The following AUTS2 variants were observed in gnomAD, a reference collection of about 807,000 sequenced individuals.
AUTS2 encodes the protein autism susceptibility gene 2 protein.
A neutral mutation model predicts 112.4 loss-of-function variants in AUTS2; 17 were observed. That is an observed-to-expected ratio of 0.15 (90% CI 0.10 to 0.23). The LOEUF is 0.23. Ranked by LOEUF, AUTS2 falls within the 10% of genes least tolerant of loss-of-function variation. AUTS2 has a pLI of 1.00. For missense variants in AUTS2, 1,510 were observed against 1,701.6 expected (o/e 0.89, Z 1.98); for synonymous variants, 751 against 702.7 (o/e 1.07, Z -1.09).
intron 4 of AUTS2, among the ~76,000 whole-genome samples, chr7:70,182,598 A>C (rs1166756946): frequency 1.3e-5 from 2 of 152,156 alleles, no homozygotes; most frequent in Non-Finnish European, 2.9e-5. Flanking sequence ...TAATGGTCCT[A>C]ATGGGAGGAG....
chr7:70,323,863 C>A (rs1442926299), intron 4 of AUTS2, among the ~76,000 whole-genome samples: 2 of 152,158 alleles, frequency 1.3e-5, no homozygotes, highest in Non-Finnish European at 2.9e-5. Context: ...GACAGAGTTA[C>A]AACAACCCAT....
intron 4 of AUTS2, among the ~76,000 whole-genome samples, chr7:70,419,692 A>G (rs887321074): frequency 7.2e-5 from 11 of 152,172 alleles, no homozygotes; most frequent in Non-Finnish European, 1.3e-4. Context: ...TCTGATGCAA[A>G]TTGCAAAATT....
In AUTS2 at chr7:70,548,365, C is replaced by G. The variant is rs1363243901; in HGVS notation, c.690+112584C>G. 5.9e-5 allele frequency among the ~76,000 whole-genome samples: 9 copies of G among 151,514 alleles called. No homozygotes were observed. The East Asian group carries it at 1.7e-3, about 29-fold the overall frequency. On this transcript the variant is annotated intron_variant, in intron 5 of 18. Transcript: ENST00000342771. ...GCAAATATTTTCTCCCAGTCAGTGG[C>G]TTGACTTTTCATATCCGTAATGCTG...
intron 11 of AUTS2, 36 bp downstream of exon 11, chr7:70,771,680 G>C: frequency 6.3e-7 from 1 of 1,591,700 alleles, no homozygotes; most frequent in East Asian, 2.2e-5. Context: ...ACAGGCATGT[G>C]TCTAAGTGGC....
At chr7:69,744,544 A>G (rs866428644) in intron 1 of AUTS2, among the ~76,000 whole-genome samples, 1 of 151,940 alleles carries the variant, frequency 6.6e-6, no homozygotes, top group African/African-American at 2.4e-5. Context: ...AAAATAAAAT[A>G]CTGTAGGTCC....
At chr7:70,401,207 G>T (rs1446832195) in intron 4 of AUTS2, among the ~76,000 whole-genome samples, 1 of 152,130 alleles carries the variant, frequency 6.6e-6, no homozygotes, top group East Asian at 1.9e-4. Context: ...ATCCCCTGGG[G>T]ACCTTAGTCA....
intron 2 of AUTS2, among the ~76,000 whole-genome samples, chr7:69,975,776 C>T (rs968497046): frequency 6.6e-6 from 1 of 151,830 alleles, no homozygotes; most frequent in Non-Finnish European, 1.5e-5. Context: ...CAACCTCTGC[C>T]TCCTGGGTTC....
chr7:70,382,864 T>C (rs1394896912), intron 4 of AUTS2, among the ~76,000 whole-genome samples: 1 of 152,134 alleles, frequency 6.6e-6, no homozygotes, highest in East Asian at 1.9e-4. Flanking sequence ...AAATGACACA[T>C]CCTTATTGAA....
intron 4 of AUTS2, among the ~76,000 whole-genome samples, chr7:70,238,736 CTCT>C (rs927987180): frequency 2.0e-5 from 3 of 151,912 alleles, no homozygotes; most frequent in East Asian, 1.9e-4. Flanking sequence ...CATTTTCCTC[CTCT>C]TCTTAGCTTT....
intron 2 of AUTS2, among the ~76,000 whole-genome samples, chr7:70,044,328 T>C (rs1446509184): frequency 6.6e-6 from 1 of 152,236 alleles, no homozygotes; most frequent in African/African-American, 2.4e-5. Context: ...AATTCTTTGC[T>C]GTGTTGCCTA....
chr7:70,354,749 T>G (rs552013617), intron 4 of AUTS2, among the ~76,000 whole-genome samples: 1 of 152,304 alleles, frequency 6.6e-6, no homozygotes, highest in South Asian at 2.1e-4. Context: ...TTCCTAAGCT[T>G]TAGTCAATAA....
intron 6 of AUTS2, among the ~76,000 whole-genome samples, chr7:70,701,261 G>A (rs886231016): frequency 6.6e-6 from 1 of 152,226 alleles, no homozygotes; most frequent in Non-Finnish European, 1.5e-5. Context: ...TTGGGGGGGC[G>A]CAGCCCTGAT....
intron 4 of AUTS2, among the ~76,000 whole-genome samples, chr7:70,181,132 G>A (rs1809275769): frequency 6.6e-6 from 1 of 152,170 alleles, no homozygotes; most frequent in Non-Finnish European, 1.5e-5. Flanking sequence ...AGGTTGCTAT[G>A]TTTTGCTCTT....
At chr7:69,652,444 A>C (rs943046341) in intron 1 of AUTS2, among the ~76,000 whole-genome samples, 6 of 150,652 alleles carry the variant, frequency 4.0e-5, no homozygotes, top group African/African-American at 2.4e-5. Flanking sequence ...GTACGGAGAC[A>C]GTAGTATGGT....
At chr7:69,929,134 T>C (rs374716544) in intron 2 of AUTS2, among the ~76,000 whole-genome samples, 14 of 152,340 alleles carry the variant, frequency 9.2e-5, no homozygotes, top group African/African-American at 3.4e-4. Context: ...AATTTTTTTC[T>C]GGGAATATAA....
At chr7:70,724,507 G>A (rs913803040) in intron 6 of AUTS2, among the ~76,000 whole-genome samples, 47 of 143,780 alleles carry the variant, frequency 3.3e-4, no homozygotes, top group African/African-American at 1.2e-3. Context: ...GTGCATTGGC[G>A]TGATCTTGGC....
At chr7:70,345,602 C>G (rs1791460116) in intron 4 of AUTS2, among the ~76,000 whole-genome samples, 1 of 152,138 alleles carries the variant, frequency 6.6e-6, no homozygotes, top group Non-Finnish European at 1.5e-5. Flanking sequence ...CAAAACTTGT[C>G]ACTATGAAAA....
At chr7:70,330,959 G>T (rs1174988553) in intron 4 of AUTS2, among the ~76,000 whole-genome samples, 1 of 151,986 alleles carries the variant, frequency 6.6e-6, no homozygotes, top group Non-Finnish European at 1.5e-5. Context: ...AAAACAGCTG[G>T]TTGAGAATTT....
At chr7:70,039,754 T>A (rs1424821712) in intron 2 of AUTS2, among the ~76,000 whole-genome samples, 1 of 152,210 alleles carries the variant, frequency 6.6e-6, no homozygotes, top group Non-Finnish European at 1.5e-5. Flanking sequence ...ACGTTCAAAT[T>A]AATTTGTTGT....
Sources: allele counts gnomAD v4.1 joint callset (sites outside exome capture counted in the v4.1 genomes callset), GRCh38; gene constraint gnomAD v4.1.1; transcripts MANE v1.5; gene names NCBI Gene and HGNC (gene_info 2026-07-23, HGNC 2026-07-21).